DACH2: variants seen among roughly 807,000 people sequenced by gnomAD.
The protein encoded by DACH2 is dachshund homolog 2.
In DACH2, 17 loss-of-function variants were observed where a neutral mutation model predicts 35.8. The observed-to-expected ratio is 0.48, with a 90% CI of 0.33 to 0.71. DACH2 has a LOEUF of 0.71. DACH2 is among the 30% of genes least tolerant of loss of function. The pLI, the probability that DACH2 is intolerant of heterozygous loss-of-function variation, is 0.02. For missense variants in DACH2, 469 were observed against 472.7 expected, an observed-to-expected ratio of 0.99 and a Z score of 0.07; for synonymous variants, 195 against 177.3, an observed-to-expected ratio of 1.10 and a Z score of -0.79.
chrX:86,677,368 C>A lies in DACH2; in HGVS notation c.773-17653C>A, dbSNP rs187942172. On this transcript the variant is annotated intron_variant, in intron 4 of 11. Transcript: ENST00000373125. The stretch of plus-strand genomic sequence containing the variant: ...AAAAGAATGCAATTTGCACACTATT[C>A]TCCTAAAATTAAAAGATAAGCTGCT... 3.8e-3 allele frequency among the ~76,000 whole-genome samples: 422 copies of A among 112,065 alleles called. 1 individual carries two copies. Among genetic ancestry groups the A allele is most frequent in the Non-Finnish European group, 5.8e-3 (308 of 53,220 alleles).
chrX:86,685,162 T>C (rs942739092), intron 4 of DACH2, among the ~76,000 whole-genome samples: 1 of 111,797 alleles, frequency 8.9e-6, no homozygotes, highest in African/African-American at 3.2e-5. Flanking sequence ...TCTGAGGTTG[T>C]ATTGTGTTGT....
At chrX:86,431,516 A>G (rs972574229) in intron 2 of DACH2, among the ~76,000 whole-genome samples, 15 of 111,667 alleles carry the variant, frequency 1.3e-4, no homozygotes, top group Non-Finnish European at 2.8e-4. Context: ...GATCAGACAT[A>G]GGATGTGAAT....
intron 1 of DACH2, among the ~76,000 whole-genome samples, chrX:86,326,710 C>G (rs1192880522): frequency 9.0e-6 from 1 of 110,538 alleles, no homozygotes; most frequent in Non-Finnish European, 1.9e-5. Context: ...CCTGTGTCCT[C>G]CAGTATTTGT....
chrX:86,361,597 C>T (rs957462799), intron 1 of DACH2, among the ~76,000 whole-genome samples: 1 of 111,412 alleles, frequency 9.0e-6, no homozygotes, highest in South Asian at 3.7e-4. Flanking sequence ...TGACAAGATA[C>T]AGTGAATTTA....
chrX:86,593,738 G>T (rs2148351818), intron 3 of DACH2, among the ~76,000 whole-genome samples: 1 of 110,986 alleles, frequency 9.0e-6, no homozygotes, highest in East Asian at 2.8e-4. Context: ...ATATATTGTT[G>T]AATTTTAGTG....
intron 1 of DACH2, among the ~76,000 whole-genome samples, chrX:86,359,881 A>T (rs1180024674): frequency 9.1e-6 from 1 of 110,241 alleles, no homozygotes; most frequent in Non-Finnish European, 1.9e-5. Context: ...TTTATTTTTT[A>T]TTTTTATTTT....
At chrX:86,451,438 C>A (rs1183522477) in intron 2 of DACH2, among the ~76,000 whole-genome samples, 2 of 111,216 alleles carry the variant, frequency 1.8e-5, no homozygotes, top group Non-Finnish European at 3.8e-5. Flanking sequence ...TGTACTAGTG[C>A]CAGGCTGTTT....
intron 1 of DACH2, among the ~76,000 whole-genome samples, chrX:86,362,258 G>T (rs1223814915): frequency 9.0e-6 from 1 of 111,037 alleles, no homozygotes; most frequent in African/African-American, 3.3e-5. Flanking sequence ...TTTAGTCCAG[G>T]ATTTTAGTTC....
chrX:86,599,286 C>A lies in DACH2; in HGVS notation c.641-51750C>A, dbSNP rs376060046. Among the ~76,000 whole-genome samples the A allele has an allele frequency of 2.4e-4, 27 of 111,059 alleles. No homozygotes were observed. The East Asian group carries it at 2.6e-3, about 11-fold the overall frequency. On this transcript the variant is annotated intron_variant, in intron 3 of 11. Coordinates refer to ENST00000373125, the MANE Select transcript of DACH2 (RefSeq NM_053281.3). The stretch of plus-strand genomic sequence containing the variant: ...TGGGGGTAAGGAGGGTGGCTCATTT[C>A]TCTCAGAATGAAAAAAGAAATTGCC...
chrX:86,769,775 A>G (rs1195538409), intron 7 of DACH2, among the ~76,000 whole-genome samples: 1 of 111,167 alleles, frequency 9.0e-6, no homozygotes, highest in Admixed American at 9.7e-5. Flanking sequence ...AGTCACGTTT[A>G]TTATTTTAAT....
At chrX:86,539,270 G>T (rs2038847574) in intron 3 of DACH2, among the ~76,000 whole-genome samples, 1 of 111,156 alleles carries the variant, frequency 9.0e-6, no homozygotes, top group South Asian at 3.8e-4. Flanking sequence ...ACGTGCCTTG[G>T]TTCCCCTTCA....
intron 1 of DACH2, among the ~76,000 whole-genome samples, chrX:86,279,205 C>T (rs778945678): frequency 7.7e-4 from 86 of 112,203 alleles, no homozygotes; most frequent in Non-Finnish European, 1.4e-3. Context: ...AAAGGACAGA[C>T]TGCCTCCTCA....
intron 3 of DACH2, among the ~76,000 whole-genome samples, chrX:86,571,705 GA>G (rs1284968625): frequency 6.5e-5 from 4 of 61,868 alleles, no homozygotes; most frequent in African/African-American, 4.6e-4. Context: ...GGTAACGCAA[GA>G]TTTTTTTTTT....
intron 10 of DACH2, among the ~76,000 whole-genome samples, chrX:86,815,188 T>C (rs964883211): frequency 5.4e-5 from 6 of 111,778 alleles, no homozygotes; most frequent in East Asian, 2.8e-4. Flanking sequence ...TGGTGAACTG[T>C]ATTGTGATTA....
intron 2 of DACH2, among the ~76,000 whole-genome samples, chrX:86,441,010 T>C (rs1008736869): frequency 9.0e-6 from 1 of 110,894 alleles, no homozygotes; most frequent in African/African-American, 3.3e-5. Context: ...TCCTAGATGA[T>C]GGAAACCACT....
rs190545594 is a variant in DACH2, at chrX:86,414,326, G to C, written c.527+37464G>C. ...CGGTGATTAATTAGCCAGTGCCAGA[G>C]CTCTACACAAGTCACACTGTTCTGA... On this transcript the variant is annotated intron_variant, in intron 2 of 11. Coordinates refer to ENST00000373125, the MANE Select transcript of DACH2 (RefSeq NM_053281.3). Among the ~76,000 whole-genome samples, 30 of 111,562 alleles carry C rather than the reference G, an allele frequency of 2.7e-4. No homozygotes were observed. In the East Asian group the frequency reaches 3.1e-3, roughly 12 times the overall value.
At chrX:86,417,501 GC>G (rs1278289870) in intron 2 of DACH2, among the ~76,000 whole-genome samples, 3 of 106,258 alleles carry the variant, frequency 2.8e-5, no homozygotes, top group African/African-American at 1.2e-4. Flanking sequence ...ATGGCAGCAG[GC>G]AAGAGAGAGA....
intron 1 of DACH2, among the ~76,000 whole-genome samples, chrX:86,371,033 G>A (rs1437136210): frequency 9.0e-6 from 1 of 110,943 alleles, no homozygotes; most frequent in Non-Finnish European, 1.9e-5. Context: ...CTTTGTTTTT[G>A]TAGGACATAT....
At chrX:86,335,851 C>A (rs778848223) in intron 1 of DACH2, among the ~76,000 whole-genome samples, 2 of 111,727 alleles carry the variant, frequency 1.8e-5, no homozygotes, top group Non-Finnish European at 3.8e-5. Context: ...ATGCTTCCAG[C>A]TTTTGCCTAT....
Sources: gnomAD v4.1 joint callset for allele counts (sites outside exome capture counted in the v4.1 genomes callset) on GRCh38, gnomAD v4.1.1 for gene constraint, MANE v1.5 for transcripts, NCBI Gene and HGNC (gene_info 2026-07-23, HGNC 2026-07-21) for gene names.